The following CNTN5 variants were observed in gnomAD, a reference collection of about 807,000 sequenced individuals.
CNTN5 encodes contactin 5, also known as contactin-5.
In CNTN5, 77 loss-of-function variants were observed where a neutral mutation model predicts 129.1. That is an observed-to-expected ratio of 0.60 (90% CI 0.50 to 0.72). The LOEUF is 0.72. Among genes scored for constraint, CNTN5 ranks in the 30% least tolerant of loss-of-function variants. The probability of loss-of-function intolerance (pLI) is 0.00; values close to 1 mark genes in which losing one functional copy is unlikely to be tolerated. For synonymous variants in CNTN5, 509 were observed against 465.6 expected (o/e 1.09, Z -1.20); for missense variants, 1,478 against 1,328.8 (o/e 1.11, Z -1.75).
chr11:99,797,934 G>C (rs1051800914), intron 3 of CNTN5, among the ~76,000 whole-genome samples: 7 of 151,886 alleles, frequency 4.6e-5, no homozygotes, highest in Non-Finnish European at 8.8e-5. Context: ...GCCTCTGCCT[G>C]TTTATCTTTT....
At chr11:99,296,047 T>TATA (rs1448404914) in intron 1 of CNTN5, among the ~76,000 whole-genome samples, 1 of 152,206 alleles carries the variant, frequency 6.6e-6, no homozygotes, top group East Asian at 1.9e-4. Flanking sequence ...AAGTATACCC[T>TATA]ATAAGTGCAC....
chr11:99,909,256 A>G (rs905194509), intron 6 of CNTN5, among the ~76,000 whole-genome samples: 5 of 152,260 alleles, frequency 3.3e-5, no homozygotes, highest in East Asian at 1.9e-4. Context: ...CAAAACCACA[A>G]TGAGATACCA....
At chr11:99,767,289 T>G (rs1363040145) in intron 3 of CNTN5, among the ~76,000 whole-genome samples, 1 of 152,074 alleles carries the variant, frequency 6.6e-6, no homozygotes, top group Admixed American at 6.6e-5. Flanking sequence ...TGGTAATTAT[T>G]AAATCAGAGA....
chr11:99,360,155 A>G (rs573359921), intron 2 of CNTN5, among the ~76,000 whole-genome samples: 1 of 152,352 alleles, frequency 6.6e-6, no homozygotes, highest in Admixed American at 6.5e-5. Flanking sequence ...CCCACCTTCC[A>G]GACACAGTGG....
At chr11:99,966,130 A>G (rs766999243) in intron 8 of CNTN5, among the ~76,000 whole-genome samples, 1 of 152,206 alleles carries the variant, frequency 6.6e-6, no homozygotes, top group Non-Finnish European at 1.5e-5. Context: ...CTGGCTAAAA[A>G]AAATCATTTC....
chr11:99,887,582 A>T (rs1466659464), intron 6 of CNTN5, among the ~76,000 whole-genome samples: 1 of 152,244 alleles, frequency 6.6e-6, no homozygotes, highest in Non-Finnish European at 1.5e-5. Flanking sequence ...GCCATCTGCA[A>T]ACTGAGCAAG....
intron 1 of CNTN5, among the ~76,000 whole-genome samples, chr11:99,104,062 T>A (rs1385131378): frequency 2.6e-5 from 4 of 152,192 alleles, no homozygotes; most frequent in African/African-American, 9.6e-5. Context: ...ATATGTAGTT[T>A]GATCAGTAAA....
At chr11:99,531,360 C>T (rs1224964922) in intron 2 of CNTN5, among the ~76,000 whole-genome samples, 10 of 152,174 alleles carry the variant, frequency 6.6e-5, no homozygotes, top group Admixed American at 6.5e-4. Context: ...CTGTTAAAGG[C>T]ATTCAATTTT....
intron 9 of CNTN5, among the ~76,000 whole-genome samples, chr11:100,029,887 T>G (rs1941622150): frequency 6.6e-6 from 1 of 152,226 alleles, no homozygotes; most frequent in Admixed American, 6.5e-5. Flanking sequence ...GTTAAATTTT[T>G]TAACCTATGC....
At chr11:100,097,412 G>C (rs1356105661) in intron 13 of CNTN5, among the ~76,000 whole-genome samples, 1 of 152,084 alleles carries the variant, frequency 6.6e-6, no homozygotes, top group Non-Finnish European at 1.5e-5. Context: ...AAGAATAAAA[G>C]AGGTTAGAGT....
chr11:100,310,919 A>G (rs1951458528), intron 21 of CNTN5, among the ~76,000 whole-genome samples: 1 of 151,922 alleles, frequency 6.6e-6, no homozygotes, highest in African/African-American at 2.4e-5. Context: ...GATGATGAAG[A>G]GATTAGCAGG....
At chr11:100,327,674 T>C (rs1951818558) in intron 21 of CNTN5, among the ~76,000 whole-genome samples, 1 of 152,202 alleles carries the variant, frequency 6.6e-6, no homozygotes, top group Admixed American at 6.5e-5. Flanking sequence ...TGACTCACCA[T>C]TGATTCTCAG....
chr11:100,069,709 A>G (rs878956554), intron 10 of CNTN5, among the ~76,000 whole-genome samples: 2 of 152,154 alleles, frequency 1.3e-5, no homozygotes, highest in Admixed American at 1.3e-4. Context: ...TAATAAATTC[A>G]GTGCAATATT....
intron 3 of CNTN5, among the ~76,000 whole-genome samples, chr11:99,576,522 T>A (rs1949356020): frequency 6.6e-6 from 1 of 152,214 alleles, no homozygotes; most frequent in Admixed American, 6.5e-5. Context: ...TAAGGCAATG[T>A]CCAGGACAGA....
At chr11:99,466,757 A>G (rs1245446891) in intron 2 of CNTN5, among the ~76,000 whole-genome samples, 1 of 152,198 alleles carries the variant, frequency 6.6e-6, no homozygotes, top group Non-Finnish European at 1.5e-5. Context: ...CCTTCAGCAC[A>G]TCACCTCCAA....
At chr11:100,015,921 C>A (rs1270061990) in intron 9 of CNTN5, among the ~76,000 whole-genome samples, 1 of 152,022 alleles carries the variant, frequency 6.6e-6, no homozygotes, top group African/African-American at 2.4e-5. Flanking sequence ...AATATTTCTA[C>A]AAATACTTAA....
intron 1 of CNTN5, among the ~76,000 whole-genome samples, chr11:99,054,242 G>C (rs1864541632): frequency 7.3e-5 from 11 of 151,674 alleles, no homozygotes; most frequent in Admixed American, 7.2e-4. Flanking sequence ...CTGGTAATCT[G>C]GTGTTTCCTG....
chr11:99,364,642 G>GA (rs1420345120), intron 2 of CNTN5, among the ~76,000 whole-genome samples: 15 of 152,026 alleles, frequency 9.9e-5, no homozygotes, highest in Non-Finnish European at 1.9e-4. Flanking sequence ...AAAGGTTCGT[G>GA]AAAAAATTGA....
chr11:99,430,132 T>A (rs1236298217), intron 2 of CNTN5, among the ~76,000 whole-genome samples: 1 of 151,904 alleles, frequency 6.6e-6, no homozygotes, highest in Non-Finnish European at 1.5e-5. Context: ...GGGGTGTGAG[T>A]TATTAGACTC....
Sources: gnomAD v4.1 joint callset for allele counts (sites outside exome capture counted in the v4.1 genomes callset) on GRCh38, gnomAD v4.1.1 for gene constraint, MANE v1.5 for transcripts, NCBI Gene and HGNC (gene_info 2026-07-23, HGNC 2026-07-21) for gene names.